Variants in SAMD12 observed in about 807,000 individuals in gnomAD.
SAMD12 encodes the protein sterile alpha motif domain containing 12.
In SAMD12, 9 loss-of-function variants were observed where a neutral mutation model predicts 15.0. The ratio of observed to expected loss-of-function variants is 0.60; its 90% CI spans 0.36 to 1.05. The LOEUF (loss-of-function observed/expected upper bound fraction) is 1.05. Ranked by LOEUF, SAMD12 falls within the 50% of genes least tolerant of loss-of-function variation. SAMD12 has a pLI of 0.01. For synonymous variants in SAMD12, 86 were observed against 90.1 expected (o/e 0.96, Z 0.25); for missense variants, 230 against 234.2 (o/e 0.98, Z 0.12).
intron 2 of SAMD12, among the ~76,000 whole-genome samples, chr8:118,446,932 T>C (rs1330182430): frequency 2.0e-5 from 3 of 152,166 alleles, no homozygotes; most frequent in Admixed American, 6.5e-5. Context: ...ATGACTTCAG[T>C]TTAATTTTTA....
the SAMD12 span, among the ~76,000 whole-genome samples, chr8:118,167,582 G>A: frequency 0.013 from 1,926 of 152,192 alleles, 47 homozygotes; most frequent in African/African-American, 0.044. Flanking sequence ...ATCAGGAAGT[G>A]GGGGAAATTC....
chr8:118,319,396 G>A (rs1271380098), intron 4 of SAMD12, among the ~76,000 whole-genome samples: 1 of 152,084 alleles, frequency 6.6e-6, no homozygotes, highest in African/African-American at 2.4e-5. Flanking sequence ...GTCAGCAAGG[G>A]AAGGAGTTCT....
intron 3 of SAMD12, among the ~76,000 whole-genome samples, chr8:118,431,717 T>TGTGTGC (rs1563856398): frequency 6.6e-6 from 1 of 150,388 alleles, no homozygotes; most frequent in Non-Finnish European, 1.5e-5. Context: ...TGTGTGTGTG[T>TGTGTGC]GTGTGTGTGT....
chr8:118,255,804 G>T (rs895931061), intron 4 of SAMD12, among the ~76,000 whole-genome samples: 3 of 151,922 alleles, frequency 2.0e-5, no homozygotes, highest in Admixed American at 1.3e-4. Flanking sequence ...GAATAGTGCC[G>T]CAATAAACAT....
intron 4 of SAMD12, among the ~76,000 whole-genome samples, chr8:118,325,634 A>C (rs1175593571): frequency 6.6e-6 from 1 of 152,196 alleles, no homozygotes; most frequent in Non-Finnish European, 1.5e-5. Flanking sequence ...ATGCAGTATT[A>C]TTAACTATAG....
chr8:118,544,482 T>C (rs915267754), intron 2 of SAMD12, among the ~76,000 whole-genome samples: 1 of 152,054 alleles, frequency 6.6e-6, no homozygotes, highest in Non-Finnish European at 1.5e-5. Flanking sequence ...CTTCTTATAG[T>C]CTGGATTTTC....
intron 1 of SAMD12, among the ~76,000 whole-genome samples, chr8:118,596,473 A>G (rs1483723759): frequency 6.6e-6 from 1 of 152,180 alleles, no homozygotes; most frequent in Non-Finnish European, 1.5e-5. Context: ...TCCACCTGCT[A>G]TATCTAATGC....
At chr8:118,163,632 T>C in the SAMD12 span, among the ~76,000 whole-genome samples, 1 of 149,802 alleles carries the variant, frequency 6.7e-6, no homozygotes, top group Non-Finnish European at 1.5e-5. Flanking sequence ...TCCCAGCACT[T>C]TGGGAGGCCG....
rs1403154095 is a variant in SAMD12 at position 118,580,838 on chromosome 8, A to G, written c.69T>C (p.Gly23=). 1.2e-6 allele frequency: 2 copies of G among 1,613,218 alleles called. No homozygotes were observed. The highest frequency in any genetic ancestry group is 1.7e-5 in the Admixed American group (1 of 59,936). The change falls in exon 2 of 4, where the codon GGT becomes GGC. Residue 23 remains glycine (G), a synonymous_variant. Transcript: ENST00000314727. ...CTTCACCTTCAATTTGCAGTTTAAT[A>G]CCTTCAGCATGGGCAGGGTGATCAA... The part of the protein sequence containing the change: ...RGIDHPAHAE[G]IKLQIEGEGV...
At chr8:118,155,032 C>T in the SAMD12 span, among the ~76,000 whole-genome samples, 1 of 152,114 alleles carries the variant, frequency 6.6e-6, no homozygotes. Context: ...ACTGCTCACA[C>T]TATAATTAAA....
chr8:118,416,371 G>A (rs537971595), intron 3 of SAMD12, among the ~76,000 whole-genome samples: 1 of 152,152 alleles, frequency 6.6e-6, no homozygotes, highest in African/African-American at 2.4e-5. Flanking sequence ...TTTTTTCAGG[G>A]CATATGACCC....
intron 2 of SAMD12, among the ~76,000 whole-genome samples, chr8:118,566,186 T>A (rs1826840767): frequency 6.6e-6 from 1 of 151,224 alleles, no homozygotes; most frequent in African/African-American, 2.5e-5. Flanking sequence ...CACGATGATC[T>A]TCTTTCTTTT....
At chr8:118,534,454 G>A (rs1043195710) in intron 2 of SAMD12, among the ~76,000 whole-genome samples, 4 of 152,094 alleles carry the variant, frequency 2.6e-5, no homozygotes, top group African/African-American at 9.7e-5. Flanking sequence ...TATCTCTGTG[G>A]TGTTCTCTGT....
chr8:118,176,497 T>C, the SAMD12 span, among the ~76,000 whole-genome samples: 2 of 152,154 alleles, frequency 1.3e-5, no homozygotes, highest in Non-Finnish European at 2.9e-5. Flanking sequence ...AAAAGAATGA[T>C]ATCATGGCCT....
At chr8:118,203,560 G>T (rs1819773078) in intron 4 of SAMD12, among the ~76,000 whole-genome samples, 1 of 151,570 alleles carries the variant, frequency 6.6e-6, no homozygotes. Context: ...ACAGGTCCTT[G>T]TTTCTATTTT....
chr8:118,364,078 G>A (rs955655011), intron 4 of SAMD12, among the ~76,000 whole-genome samples: 4 of 152,198 alleles, frequency 2.6e-5, no homozygotes, highest in African/African-American at 7.2e-5. Flanking sequence ...TTTCCAATAC[G>A]AATCCCCGAA....
intron 3 of SAMD12, among the ~76,000 whole-genome samples, chr8:118,405,328 T>A (rs553668525): frequency 6.6e-6 from 1 of 152,202 alleles, no homozygotes; most frequent in Admixed American, 6.5e-5. Context: ...ATAGAATGGA[T>A]AAATTAAAAT....
chr8:118,528,251 C>T (rs756756102), intron 2 of SAMD12, among the ~76,000 whole-genome samples: 3 of 152,174 alleles, frequency 2.0e-5, no homozygotes, highest in Non-Finnish European at 4.4e-5. Flanking sequence ...AGGCTGGTCT[C>T]TAACTCCTGA....
chr8:118,474,521 C>CAG (rs1402271265), intron 2 of SAMD12, among the ~76,000 whole-genome samples: 1 of 151,882 alleles, frequency 6.6e-6, no homozygotes, highest in Admixed American at 6.5e-5. Flanking sequence ...GCTGGGATTA[C>CAG]AGGCACCTGC....
Sources: gnomAD v4.1 joint callset for allele counts (sites outside exome capture counted in the v4.1 genomes callset) on GRCh38, gnomAD v4.1.1 for gene constraint, MANE v1.5 for transcripts, NCBI Gene and HGNC (gene_info 2026-07-23, HGNC 2026-07-21) for gene names.